RLF: variants seen among roughly 807,000 people sequenced by gnomAD.
RLF encodes the protein zinc finger protein Rlf.
In RLF, 7 loss-of-function variants were observed where a neutral mutation model predicts 162.9. The ratio of observed to expected loss-of-function variants is 0.04; its 90% CI spans 0.02 to 0.08. The LOEUF is 0.08. RLF is among the 10% of genes least tolerant of loss of function. The pLI is 1.00. For missense variants in RLF, 1,664 were observed against 2,244.7 expected (o/e 0.74, Z 5.23); for synonymous variants, 782 against 791.5 (o/e 0.99, Z 0.20).
chr1:40,220,251 T>C (rs894781891), intron 5 of RLF, among the ~76,000 whole-genome samples: 3 of 151,990 alleles, frequency 2.0e-5, no homozygotes, highest in Non-Finnish European at 4.4e-5. Context: ...AAAACAAAAG[T>C]GCTTCTACTC....
rs374265738 is a variant in RLF at position 40,240,229 on chromosome 1, A to G, written c.5527A>G (p.Ile1843Val). The G allele has an allele frequency of 6.2e-6, 10 of 1,614,186 alleles. No individual in the cohort carries two copies. The highest frequency in any genetic ancestry group is 2.2e-5 in the South Asian group (2 of 91,080). The change falls in exon 8 of 8, where the codon ATC (isoleucine) becomes GTC (valine). Residue 1843 changes from isoleucine (I) to valine (V), a missense_variant. Transcript: ENST00000372771. The stretch of plus-strand genomic sequence containing the variant: ...TACAATTCATGAGAACCTGACTGCA[A>G]TCCCACCTTTAATAGTAGCTGAAAC... ...DSTIHENLTA[I>V]PPLIVAETTT...
At chr1:40,177,705 T>C (rs1045972904) in intron 1 of RLF, 1 of 152,198 alleles carries the variant, frequency 6.6e-6, no homozygotes, top group Admixed American at 6.5e-5. Flanking sequence ...TATTTTCTTC[T>C]GGAGATTGTA....
intron 1 of RLF, among the ~76,000 whole-genome samples, chr1:40,166,798 G>A (rs1249921050): frequency 7.2e-6 from 1 of 139,710 alleles, no homozygotes; most frequent in Non-Finnish European, 1.5e-5. Context: ...GGTGGGAATT[G>A]AACAGTGAGA....
At position 40,219,910 on chromosome 1, in the gene RLF, C is replaced by G. The variant is rs540326867; in HGVS notation, c.811-2664C>G. Among the ~76,000 whole-genome samples, 11 of 152,218 alleles carry G rather than the reference C, an allele frequency of 7.2e-5. No homozygotes were observed. In the East Asian group the frequency reaches 1.5e-3, roughly 21 times the overall value. ...GTGCAGGAGCATGTTTACCAACAATCCCTGTGGTAACTTAGAAGGCATGGA... is the reference window on the plus strand; with the variant it reads ...GTGCAGGAGCATGTTTACCAACAATGCCTGTGGTAACTTAGAAGGCATGGA... On this transcript the variant is annotated intron_variant, in intron 5 of 7. Transcript: ENST00000372771.
chr1:40,161,546 G>T lies in RLF; in HGVS notation c.147G>T (p.Leu49=). ...PVSPAPGASG[L]RPCLWQLETE... is the part of the protein sequence containing the mutation. ...CTCCAGCGCCGGGAGCCTCGGGACT[G>T]CGGCCGTGTCTGTGGCAGCTGGAGA... Residue 49 remains leucine (L), a synonymous_variant, in exon 1 of 8, where the codon CTG becomes CTT. Coordinates refer to ENST00000372771, the MANE Select transcript of RLF (RefSeq NM_012421.4). The surrounding 1 kb of genome is among the most constrained non-coding windows in gnomAD (Gnocchi z 4.4). The T allele has an allele frequency of 1.2e-6, 2 of 1,608,510 alleles. No homozygotes were observed. The highest frequency in any genetic ancestry group is 1.7e-6 in the Non-Finnish European group (2 of 1,177,736).
chr1:40,178,376 AGTGGTT>A (rs1642355832), intron 1 of RLF, among the ~76,000 whole-genome samples: 5 of 152,084 alleles, frequency 3.3e-5, no homozygotes, highest in Admixed American at 2.6e-4. Context: ...GAAATAGAAT[AGTGGTT>A]GCCAAGGGCT....
rs1642087739 is a variant in RLF, at chr1:40,161,704, C to T, written c.237+68C>T. ...GTCAGGGAAGGAGGCCCTGGATCCT[C>T]TGTAAGCAGCCGGGTCCAAACTGAA... On this transcript the variant is annotated intron_variant, in intron 1 of 7. Coordinates refer to ENST00000372771, the MANE Select transcript of RLF (RefSeq NM_012421.4). The surrounding 1 kb of genome is among the most constrained non-coding windows in gnomAD (Gnocchi z 4.4). 1 of 1,571,502 alleles carries T rather than the reference C, an allele frequency of 6.4e-7. No individual in the cohort carries two copies. The highest frequency in any genetic ancestry group is 8.6e-7 in the Non-Finnish European group (1 of 1,167,626).
At chr1:40,183,049 A>G (rs1642428161) in intron 1 of RLF, among the ~76,000 whole-genome samples, 1 of 151,894 alleles carries the variant, frequency 6.6e-6, no homozygotes, top group African/African-American at 2.4e-5. Context: ...TCTCTTCAGC[A>G]TTTACTCTGA....
intron 6 of RLF, among the ~76,000 whole-genome samples, chr1:40,228,720 C>G (rs999617326): frequency 1.5e-5 from 2 of 132,536 alleles, no homozygotes; most frequent in African/African-American, 6.8e-5. Flanking sequence ...CTCCTGGGCT[C>G]AAGTGATCTC....
chr1:40,181,076 A>T (rs1013991269), intron 1 of RLF, among the ~76,000 whole-genome samples: 8 of 152,210 alleles, frequency 5.3e-5, no homozygotes, highest in Admixed American at 5.2e-4. Flanking sequence ...GGTGTAAGGT[A>T]AGGTCCAGCT....
Position 40,195,436 on chromosome 1 carries a change from A to G in RLF, c.475-196A>G, listed in dbSNP as rs192527168. Among the ~76,000 whole-genome samples, 68 of 151,762 alleles carry G rather than the reference A, an allele frequency of 4.5e-4. 1 individual carries two copies. The East Asian group carries it at 9.4e-3, about 21-fold the overall frequency. ...TGCACTCCAGTCTGGGTGACAGAGT[A>G]AGATTCTGTCTTTAAAAAAAAAAAA... On this transcript the variant is annotated intron_variant, in intron 3 of 7. Coordinates refer to ENST00000372771, the MANE Select transcript of RLF (RefSeq NM_012421.4).
At chr1:40,171,526 C>CT (rs1462827394) in intron 1 of RLF, among the ~76,000 whole-genome samples, 1 of 151,852 alleles carries the variant, frequency 6.6e-6, no homozygotes, top group Non-Finnish European at 1.5e-5. Flanking sequence ...GTTGTCTTTG[C>CT]TTTTTTCAGG....
Position 40,238,364 on chromosome 1 carries a change from A to G in RLF, c.3662A>G (p.Asp1221Gly). Reference sequence around the variant, plus strand: ...GATCATGAAGGCCCATGTTCAGTAGATAGGTTGAAAGGTGATTGTTCTGCA... The same window carrying G: ...GATCATGAAGGCCCATGTTCAGTAGGTAGGTTGAAAGGTGATTGTTCTGCA... ...KCDHEGPCSVDRLKGDCSAEL... is the reference protein window; with the variant it reads ...KCDHEGPCSVGRLKGDCSAEL... The change falls in exon 8 of 8, where the codon GAT becomes GGT. Residue 1221 changes from aspartate (D) to glycine (G), a missense_variant. Asp to Gly is a moderately conservative substitution (Grantham distance 94, BLOSUM62 -1). Transcript: ENST00000372771. The surrounding 1 kb of genome is among the most constrained non-coding windows in gnomAD (Gnocchi z 5.2). The G allele has an allele frequency of 6.2e-7, 1 of 1,614,218 alleles. No homozygotes were observed. Among genetic ancestry groups the G allele is most frequent in the Non-Finnish European group, 8.5e-7 (1 of 1,180,028 alleles).
At chr1:40,180,663 A>G (rs1642393348) in intron 1 of RLF, among the ~76,000 whole-genome samples, 1 of 152,004 alleles carries the variant, frequency 6.6e-6, no homozygotes, top group South Asian at 2.1e-4. Flanking sequence ...ATATCTTTTC[A>G]TGTGCTTATT....
intron 3 of RLF, among the ~76,000 whole-genome samples, chr1:40,191,537 CG>C (rs201296797): frequency 8.2e-5 from 12 of 145,584 alleles, no homozygotes; most frequent in Admixed American, 5.5e-4. Flanking sequence ...GACTCTGTCT[CG>C]GAAAAAAAAA....
intron 4 of RLF, among the ~76,000 whole-genome samples, chr1:40,201,142 AG>A (rs1284930350): frequency 1.4e-5 from 2 of 140,760 alleles, no homozygotes; most frequent in African/African-American, 5.3e-5. Flanking sequence ...CTAATAAATC[AG>A]AATCTGCATT....
chr1:40,201,850 T>A (rs1173296337), intron 4 of RLF, among the ~76,000 whole-genome samples: 1 of 152,060 alleles, frequency 6.6e-6, no homozygotes, highest in Non-Finnish European at 1.5e-5. Context: ...AAACATTGGG[T>A]TTTTAAATAA....
At chr1:40,188,172 AAAC>A (rs1158635447) in intron 1 of RLF, among the ~76,000 whole-genome samples, 2 of 152,222 alleles carry the variant, frequency 1.3e-5, no homozygotes, top group African/African-American at 2.4e-5. Flanking sequence ...ACAAGAGAGA[AAAC>A]AACTCCATGG....
At chr1:40,230,519 C>A (rs1188782468) in intron 6 of RLF, among the ~76,000 whole-genome samples, 1 of 152,092 alleles carries the variant, frequency 6.6e-6, no homozygotes, top group African/African-American at 2.4e-5. Context: ...GCAACCTCCA[C>A]CTCCCAGGTT....
Sources: allele counts gnomAD v4.1 joint callset (sites outside exome capture counted in the v4.1 genomes callset), GRCh38; gene constraint gnomAD v4.1.1; non-coding constraint Gnocchi (gnomAD v3.1); transcripts MANE v1.5; gene names NCBI Gene and HGNC (gene_info 2026-07-23, HGNC 2026-07-21).